Variants in MACROD2 observed in about 807,000 individuals in gnomAD.
MACROD2 encodes the protein mono-ADP ribosylhydrolase 2, also known as ADP-ribose glycohydrolase MACROD2.
A neutral mutation model predicts 70.4 loss-of-function variants in MACROD2; 36 were observed. The observed-to-expected ratio is 0.51, with a 90% CI of 0.39 to 0.68. MACROD2 has a LOEUF of 0.68. Among genes scored for constraint, MACROD2 ranks in the 30% least tolerant of loss-of-function variants. The pLI, the probability that MACROD2 is intolerant of heterozygous loss-of-function variation, is 0.00. For missense variants in MACROD2, 496 were observed against 538.4 expected (o/e 0.92, Z 0.78); for synonymous variants, 172 against 178.8 (o/e 0.96, Z 0.30).
At chr20:14,785,683 C>T (rs1263078293) in intron 5 of MACROD2, among the ~76,000 whole-genome samples, 1 of 152,040 alleles carries the variant, frequency 6.6e-6, no homozygotes, top group East Asian at 1.9e-4. Flanking sequence ...ATTATTTTTG[C>T]TTCTTATTGT....
At chr20:15,667,150 G>T (rs887677866) in intron 8 of MACROD2, among the ~76,000 whole-genome samples, 1 of 152,130 alleles carries the variant, frequency 6.6e-6, no homozygotes, top group African/African-American at 2.4e-5. Flanking sequence ...TTGGCCATCA[G>T]GGTGGATCCC....
At chr20:14,037,309 G>A (rs1217579940) in intron 2 of MACROD2, among the ~76,000 whole-genome samples, 1 of 152,090 alleles carries the variant, frequency 6.6e-6, no homozygotes, top group South Asian at 2.1e-4. Context: ...GGAATTTAAT[G>A]CATTATAGGT....
intron 3 of MACROD2, among the ~76,000 whole-genome samples, chr20:14,155,517 T>G (rs1021975245): frequency 3.9e-5 from 6 of 152,206 alleles, no homozygotes; most frequent in African/African-American, 1.4e-4. Flanking sequence ...AGTATTTGAC[T>G]AGGGAATCCA....
intron 5 of MACROD2, among the ~76,000 whole-genome samples, chr20:14,724,182 GT>G (rs202172285): frequency 3.3e-5 from 5 of 150,970 alleles, no homozygotes; most frequent in South Asian, 2.1e-4. Context: ...AGACTAAGGT[GT>G]TTTTTTTTCC....
chr20:14,258,678 A>C (rs2122302324), intron 3 of MACROD2, among the ~76,000 whole-genome samples: 1 of 152,000 alleles, frequency 6.6e-6, no homozygotes, highest in East Asian at 1.9e-4. Context: ...TTACTCTGCT[A>C]ATTGTTTCTT....
chr20:15,775,643 T>C (rs893494585), intron 8 of MACROD2, among the ~76,000 whole-genome samples: 1 of 152,186 alleles, frequency 6.6e-6, no homozygotes, highest in Non-Finnish European at 1.5e-5. Context: ...TAGCCAAATA[T>C]TTTATGATAC....
chr20:14,716,907 C>G (rs1264593607), intron 5 of MACROD2, among the ~76,000 whole-genome samples: 3 of 152,048 alleles, frequency 2.0e-5, no homozygotes, highest in Non-Finnish European at 2.9e-5. Context: ...TTTAGAGATG[C>G]AGGTGAAGCC....
chr20:15,158,115 G>A (rs1027904253), intron 5 of MACROD2, among the ~76,000 whole-genome samples: 12 of 151,818 alleles, frequency 7.9e-5, no homozygotes, highest in African/African-American at 1.9e-4. Flanking sequence ...TTTGAATCAC[G>A]CCAAGCTCCC....
intron 5 of MACROD2, among the ~76,000 whole-genome samples, chr20:14,787,977 C>A (rs1348902731): frequency 1.3e-5 from 2 of 151,942 alleles, no homozygotes; most frequent in Non-Finnish European, 2.9e-5. Flanking sequence ...AAACATTTAC[C>A]TAGAGGGCTT....
At chr20:16,049,501 G>A (rs1215791487) in intron 17 of MACROD2, among the ~76,000 whole-genome samples, 1 of 152,166 alleles carries the variant, frequency 6.6e-6, no homozygotes, top group African/African-American at 2.4e-5. Flanking sequence ...TAGAGTGTGA[G>A]CATGGGCCTG....
At chr20:15,091,212 T>C (rs947355478) in intron 5 of MACROD2, among the ~76,000 whole-genome samples, 1 of 152,086 alleles carries the variant, frequency 6.6e-6, no homozygotes, top group African/African-American at 2.4e-5. Context: ...ATTGCCTCTC[T>C]GGTATGGTCT....
At chr20:14,152,176 CT>C (rs2055033885) in intron 3 of MACROD2, among the ~76,000 whole-genome samples, 1 of 152,054 alleles carries the variant, frequency 6.6e-6, no homozygotes, top group South Asian at 2.1e-4. Flanking sequence ...AAGCTACATA[CT>C]TTATGTGTAT....
chr20:15,594,205 T>G (rs2048715342), intron 8 of MACROD2, among the ~76,000 whole-genome samples: 1 of 152,178 alleles, frequency 6.6e-6, no homozygotes, highest in African/African-American at 2.4e-5. Context: ...GCACTAAATC[T>G]CATCCTTTTC....
chr20:14,153,997 A>C (rs112340657), intron 3 of MACROD2, among the ~76,000 whole-genome samples: 2,424 of 152,334 alleles, frequency 0.016, 25 homozygotes, highest in Non-Finnish European at 0.027. Flanking sequence ...AAGAACACTA[A>C]AATGCGATAG....
chr20:15,030,416 T>C (rs189106970), intron 5 of MACROD2, among the ~76,000 whole-genome samples: 5 of 152,070 alleles, frequency 3.3e-5, no homozygotes, highest in African/African-American at 7.2e-5. Flanking sequence ...CTTTTGGGAG[T>C]TGGAGAATAA....
intron 3 of MACROD2, among the ~76,000 whole-genome samples, chr20:14,460,249 G>T (rs1009937426): frequency 6.6e-6 from 1 of 152,074 alleles, no homozygotes; most frequent in Non-Finnish European, 1.5e-5. Flanking sequence ...CCAGTAATGG[G>T]ATTGCTGGGT....
chr20:15,285,888 G>T (rs2077486490), intron 6 of MACROD2, among the ~76,000 whole-genome samples: 1 of 149,740 alleles, frequency 6.7e-6, no homozygotes, highest in Admixed American at 6.7e-5. Flanking sequence ...CCATTTTTTG[G>T]GGGGGTTGCA....
At position 14,980,778 on chromosome 20, in the gene MACROD2, T is replaced by A. The variant is rs1007960230; in HGVS notation, c.419-249162T>A. ...ATCAAGTTTAGCACCTAGCTAGGAA[T>A]CCAGGTGTTTTCTTGGTTCTCTCAC... On this transcript the variant is annotated intron_variant, in intron 5 of 17. Transcript: ENST00000684519. Among the ~76,000 whole-genome samples, 5 of 152,168 alleles carry A rather than the reference T, an allele frequency of 3.3e-5. No homozygotes were observed. In the East Asian group the frequency reaches 5.8e-4, roughly 18 times the overall value.
intron 5 of MACROD2, among the ~76,000 whole-genome samples, chr20:15,090,241 T>C (rs2075783092): frequency 6.6e-6 from 1 of 152,092 alleles, no homozygotes; most frequent in African/African-American, 2.4e-5. Context: ...GAATGAATTG[T>C]TCAATGGTAT....
Sources: gnomAD v4.1 joint callset for allele counts (sites outside exome capture counted in the v4.1 genomes callset) on GRCh38, gnomAD v4.1.1 for gene constraint, MANE v1.5 for transcripts, NCBI Gene and HGNC (gene_info 2026-07-23, HGNC 2026-07-21) for gene names.